Variants in FTCDNL1 observed in about 807,000 individuals in gnomAD.
The protein encoded by FTCDNL1 is formiminotransferase cyclodeaminase N-terminal like, also known as formiminotransferase N-terminal subdomain-containing protein.
Under a neutral mutation model 5.9 loss-of-function variants are expected in FTCDNL1, and 11 were observed. The observed-to-expected ratio is 1.87, with a 90% CI of 1.18 to 3.10. The LOEUF is 3.10. Ranked by LOEUF, FTCDNL1 falls within the 30% of genes most tolerant of loss-of-function variation. The pLI is 0.00. For synonymous variants in FTCDNL1, 58 were observed against 24.8 expected (o/e 2.34, Z -3.99); for missense variants, 115 against 65.5 (o/e 1.76, Z -2.61).
At chr2:199,791,990 T>C (rs1699952329) in intron 3 of FTCDNL1, among the ~76,000 whole-genome samples, 1 of 152,104 alleles carries the variant, frequency 6.6e-6, no homozygotes. Flanking sequence ...TTATCCCCTT[T>C]AGAAGAAAAT....
the FTCDNL1 span, among the ~76,000 whole-genome samples, chr2:199,735,115 G>GAAAAAAAAAAAAAAAAA: frequency 1.2e-5 from 1 of 81,600 alleles, no homozygotes; most frequent in Non-Finnish European, 2.4e-5. Flanking sequence ...ACTACCTTTA[G>GAAAAAAAAAAAAAAAAA]AAAAAAAAAA....
chr2:199,731,491 C>T, the FTCDNL1 span, among the ~76,000 whole-genome samples: 19 of 152,148 alleles, frequency 1.2e-4, no homozygotes, highest in Non-Finnish European at 1.9e-4. Flanking sequence ...GACTTGCACC[C>T]TCACATATCA....
the FTCDNL1 span, among the ~76,000 whole-genome samples, chr2:199,734,660 C>G: frequency 6.6e-6 from 1 of 152,112 alleles, no homozygotes; most frequent in African/African-American, 2.4e-5. Context: ...AGTGAACATG[C>G]TGGTATTTCA....
chr2:199,735,115 G>GGAAA, the FTCDNL1 span, among the ~76,000 whole-genome samples: 2 of 81,600 alleles, frequency 2.5e-5, no homozygotes, highest in African/African-American at 9.4e-5. Context: ...ACTACCTTTA[G>GGAAA]AAAAAAAAAA....
At chr2:199,821,146 G>GT (rs1001506735) in intron 3 of FTCDNL1, among the ~76,000 whole-genome samples, 3 of 151,956 alleles carry the variant, frequency 2.0e-5, no homozygotes, top group Admixed American at 6.6e-5. Context: ...GGTTTTGGTG[G>GT]TTTTTTGTTT....
chr2:199,850,572 C>T (rs1315759479), intron 1 of FTCDNL1, among the ~76,000 whole-genome samples, 168 bp downstream of exon 1: 1 of 152,238 alleles, frequency 6.6e-6, no homozygotes, highest in Non-Finnish European at 1.5e-5. Flanking sequence ...CGCAAGCCCC[C>T]CAAAACACTC....
In FTCDNL1 at chr2:199,765,530, CATTA is replaced by C. The variant is rs1381603920; in HGVS notation, c.212-4699_212-4696del. 3.3e-5 allele frequency among the ~76,000 whole-genome samples: 3 copies of C among 89,616 alleles called. No individual in the cohort carries two copies. In the East Asian group the frequency reaches 1.3e-3, roughly 38 times the overall value. The allele number at this position is 89,616 out of a possible 152,430, so 58.8% of individuals were successfully genotyped here. The stretch of plus-strand genomic sequence containing the variant: ...CCACGTGGCATCTCTTTTTTGTCTT[CATTA>C]TATATATATATATATATATATATTT... On this transcript the variant is annotated intron_variant, in intron 3 of 3. Transcript: ENST00000416668.
the FTCDNL1 span, among the ~76,000 whole-genome samples, chr2:199,675,093 T>C: frequency 6.6e-6 from 1 of 152,194 alleles, no homozygotes; most frequent in South Asian, 2.1e-4. Context: ...TATTGACCCC[T>C]TTTTGTCGAC....
At chr2:199,672,244 A>G in the FTCDNL1 span, among the ~76,000 whole-genome samples, 1 of 152,136 alleles carries the variant, frequency 6.6e-6, no homozygotes, top group Non-Finnish European at 1.5e-5. Context: ...GCAAGTTCTG[A>G]AGTTTCATAT....
the FTCDNL1 span, among the ~76,000 whole-genome samples, chr2:199,720,228 G>A: frequency 2.0e-5 from 3 of 152,146 alleles, no homozygotes; most frequent in Non-Finnish European, 2.9e-5. Flanking sequence ...CTCTTGCCAG[G>A]TTGCTCTGGT....
At chr2:199,759,390 G>A (rs1033577470), downstream of FTCDNL1, among the ~76,000 whole-genome samples, 1 of 151,410 alleles carries the variant, frequency 6.6e-6, no homozygotes, top group Non-Finnish European at 1.5e-5. Context: ...CACTCCCTGC[G>A]AGTTAGGAGA....
chr2:199,828,280 C>A (rs1349916394), intron 3 of FTCDNL1, among the ~76,000 whole-genome samples: 1 of 152,168 alleles, frequency 6.6e-6, no homozygotes, highest in Non-Finnish European at 1.5e-5. Context: ...CTCAATTAAT[C>A]TGCATAAAAA....
the FTCDNL1 span, among the ~76,000 whole-genome samples, chr2:199,673,769 T>C: frequency 2.6e-5 from 4 of 152,210 alleles, no homozygotes. Context: ...AATGAGACTT[T>C]TGATTATGTC....
At chr2:199,752,971 G>A in the FTCDNL1 span, among the ~76,000 whole-genome samples, 7 of 152,198 alleles carry the variant, frequency 4.6e-5, no homozygotes, top group African/African-American at 1.7e-4. Context: ...TAATTGGTCT[G>A]TCTCATTGAC....
intron 3 of FTCDNL1, among the ~76,000 whole-genome samples, chr2:199,791,192 A>G (rs185941163): frequency 6.6e-6 from 1 of 152,266 alleles, no homozygotes; most frequent in Admixed American, 6.5e-5. Flanking sequence ...GTACATGCAT[A>G]TATAGGTCTG....
the FTCDNL1 span, among the ~76,000 whole-genome samples, chr2:199,736,229 G>A: frequency 6.6e-6 from 1 of 152,154 alleles, no homozygotes; most frequent in Non-Finnish European, 1.5e-5. Context: ...TTAAGTGGAC[G>A]CATCTTCAGA....
At chr2:199,668,965 T>A in the FTCDNL1 span, among the ~76,000 whole-genome samples, 1 of 152,164 alleles carries the variant, frequency 6.6e-6, no homozygotes, top group East Asian at 1.9e-4. Context: ...TAATTCAAGC[T>A]TTTCTTTTTT....
At chr2:199,813,915 A>AC (rs1701190631) in intron 4 of FTCDNL1, among the ~76,000 whole-genome samples, 1 of 21,336 alleles carries the variant, frequency 4.7e-5, no homozygotes, top group Non-Finnish European at 1.1e-4. Flanking sequence ...TCTGTCTCAA[A>AC]AAAAAAAAAA....
chr2:199,769,800 TC>T (rs1698721934), intron 3 of FTCDNL1, among the ~76,000 whole-genome samples: 1 of 152,196 alleles, frequency 6.6e-6, no homozygotes, highest in Non-Finnish European at 1.5e-5. Context: ...GTGTTGGTTT[TC>T]CTCAGCCCTG....
Sources: allele counts gnomAD v4.1 joint callset (sites outside exome capture counted in the v4.1 genomes callset), GRCh38; gene constraint gnomAD v4.1.1; transcripts MANE v1.5; gene names NCBI Gene and HGNC (gene_info 2026-07-23, HGNC 2026-07-21).